The following MUSK variants were observed in gnomAD, a reference collection of about 807,000 sequenced individuals.
MUSK encodes muscle, skeletal receptor tyrosine-protein kinase.
Under a neutral mutation model 88.7 loss-of-function variants are expected in MUSK, and 55 were observed. That is an observed-to-expected ratio of 0.62 (90% CI 0.50 to 0.78). The LOEUF (loss-of-function observed/expected upper bound fraction) is 0.78, where lower values mean the gene tolerates loss of function less well. Among genes scored for constraint, MUSK ranks in the 30% least tolerant of loss-of-function variants. The pLI is 0.00. For missense variants in MUSK, 1,015 were observed against 1,074.3 expected (o/e 0.94, Z 0.77); for synonymous variants, 387 against 391.9 (o/e 0.99, Z 0.15).
intron 7 of MUSK, 95 bp from the exon 8 acceptor site, chr9:110,762,107 C>T: frequency 8.7e-7 from 1 of 1,152,122 alleles, no homozygotes; most frequent in Non-Finnish European, 1.1e-6. Context: ...AGTATCAAAA[C>T]AATCTCAGCC....
intron 5 of MUSK, among the ~76,000 whole-genome samples, chr9:110,716,678 G>C (rs569915419): frequency 6.7e-6 from 1 of 149,842 alleles, no homozygotes; most frequent in South Asian, 2.1e-4. Context: ...TCCTTCACAG[G>C]GGACATTCAC....
At chr9:110,762,063 A>G in intron 7 of MUSK, 139 bp from the exon 8 acceptor site, 1 of 1,025,650 alleles carries the variant, frequency 9.7e-7, no homozygotes, top group Non-Finnish European at 1.3e-6. Flanking sequence ...CTCCTAGCAG[A>G]AGCGGAGAAC....
chr9:110,777,906 A>G (rs1025856507), intron 11 of MUSK, among the ~76,000 whole-genome samples: 1 of 152,160 alleles, frequency 6.6e-6, no homozygotes, highest in Non-Finnish European at 1.5e-5. Context: ...TGAACTAACC[A>G]TTTAAACTGA....
chr9:110,679,671 C>G (rs999515015), intron 1 of MUSK, among the ~76,000 whole-genome samples: 4 of 151,550 alleles, frequency 2.6e-5, no homozygotes, highest in Non-Finnish European at 5.9e-5. Context: ...TTGATAAAGC[C>G]TTTCTGGTAC....
At chr9:110,726,904 T>C (rs1239799903) in intron 5 of MUSK, among the ~76,000 whole-genome samples, 3 of 152,072 alleles carry the variant, frequency 2.0e-5, no homozygotes, top group African/African-American at 4.8e-5. Context: ...TTTCTCCTGA[T>C]TGAGGTATGT....
chr9:110,754,368 T>G (rs1203817085), intron 7 of MUSK, among the ~76,000 whole-genome samples: 1 of 152,232 alleles, frequency 6.6e-6, no homozygotes, highest in Non-Finnish European at 1.5e-5. Flanking sequence ...TTAAGAATTT[T>G]TAAATACTAC....
At chr9:110,723,412 C>G (rs796182693) in intron 5 of MUSK, among the ~76,000 whole-genome samples, 13 of 151,932 alleles carry the variant, frequency 8.6e-5, no homozygotes, top group Admixed American at 8.5e-4. Context: ...TAAGTGGGAG[C>G]TAAGATAATG....
intron 5 of MUSK, among the ~76,000 whole-genome samples, chr9:110,699,004 T>C (rs577306628): frequency 1.1e-4 from 16 of 152,278 alleles, no homozygotes; most frequent in African/African-American, 2.9e-4. Context: ...ATATTAAAAA[T>C]AAGCTTTCTG....
chr9:110,782,456 A>G (rs2077776949), intron 11 of MUSK, among the ~76,000 whole-genome samples: 1 of 152,200 alleles, frequency 6.6e-6, no homozygotes, highest in African/African-American at 2.4e-5. Flanking sequence ...CTAAATCATC[A>G]TAGATTTTTC....
At chr9:110,729,327 AAAAAAAAAAAAAAAAAAGAAAAAAG>A (rs1449332134) in intron 5 of MUSK, among the ~76,000 whole-genome samples, 1 of 10,148 alleles carries the variant, frequency 9.9e-5, no homozygotes, top group African/African-American at 1.5e-3. Context: ...TGTTTTCTGT[AAAAAAAAAAAAAAAAAAGAAAAAAG>A]AAAAAAAAAA....
chr9:110,686,978 C>G (rs2076203927), intron 2 of MUSK, 139 bp from the exon 3 acceptor site: 4 of 694,330 alleles, frequency 5.8e-6, no homozygotes, highest in East Asian at 2.7e-5. Flanking sequence ...TAAGGTTATT[C>G]TATTATTCAG....
intron 11 of MUSK, among the ~76,000 whole-genome samples, chr9:110,780,354 A>C (rs775004875): frequency 6.6e-6 from 1 of 152,112 alleles, no homozygotes; most frequent in Non-Finnish European, 1.5e-5. Context: ...GACTGCTTGG[A>C]TCTTCTTCCT....
At chr9:110,751,596 A>G (rs2077248624) in intron 7 of MUSK, among the ~76,000 whole-genome samples, 1 of 152,140 alleles carries the variant, frequency 6.6e-6, no homozygotes, top group African/African-American at 2.4e-5. Context: ...TGTGTAGACT[A>G]GAACCAGCTA....
chr9:110,779,659 A>C (rs1485245532), intron 11 of MUSK, among the ~76,000 whole-genome samples: 1 of 152,176 alleles, frequency 6.6e-6, no homozygotes, highest in Non-Finnish European at 1.5e-5. Context: ...TTCTTTTATG[A>C]GTATAGATTA....
intron 2 of MUSK, among the ~76,000 whole-genome samples, chr9:110,683,323 T>C (rs927029364): frequency 2.0e-5 from 3 of 152,298 alleles, no homozygotes; most frequent in Middle Eastern, 3.4e-3. Context: ...ATTCTTTTTA[T>C]GGCTGAATAG....
At chr9:110,717,052 T>C (rs961055617) in intron 5 of MUSK, among the ~76,000 whole-genome samples, 2 of 149,944 alleles carry the variant, frequency 1.3e-5, no homozygotes, top group Non-Finnish European at 2.9e-5. Context: ...TAAATACTTT[T>C]GTAATTCAAT....
At position 110,802,774 on chromosome 9, in the gene MUSK, A is replaced by T. The variant is rs2078112968; in HGVS notation, c.*1786A>T. ...TGGCCTTCCTCTCATTTCAGACCTGAACAGATTCTGTAGGATACAACGACA... is the reference window on the plus strand; with the variant it reads ...TGGCCTTCCTCTCATTTCAGACCTGTACAGATTCTGTAGGATACAACGACA... On this transcript the variant is annotated 3_prime_UTR_variant, in exon 15 of 15. Transcript: ENST00000374448. 1.3e-5 allele frequency among the ~76,000 whole-genome samples: 2 copies of T among 152,138 alleles called. No individual in the cohort carries two copies. The highest frequency in any genetic ancestry group is 6.5e-5 in the Admixed American group (1 of 15,278).
chr9:110,727,014 C>G (rs932354260), intron 5 of MUSK, among the ~76,000 whole-genome samples: 1 of 151,944 alleles, frequency 6.6e-6, no homozygotes, highest in Non-Finnish European at 1.5e-5. Context: ...TACCAGGAAC[C>G]GTTACGAATA....
At chr9:110,797,151 G>A (rs1254841342) in intron 14 of MUSK, among the ~76,000 whole-genome samples, 5 of 44,028 alleles carry the variant, frequency 1.1e-4, no homozygotes, top group Non-Finnish European at 2.1e-4. Context: ...AAAAATAAAT[G>A]CATGAATACC....
Sources: gnomAD v4.1 joint callset for allele counts (sites outside exome capture counted in the v4.1 genomes callset) on GRCh38, gnomAD v4.1.1 for gene constraint, MANE v1.5 for transcripts, NCBI Gene and HGNC (gene_info 2026-07-23, HGNC 2026-07-21) for gene names.